The following BSG variants were observed in gnomAD, a reference collection of about 807,000 sequenced individuals.
BSG encodes basigin (Ok blood group).
In BSG, 37 loss-of-function variants were observed where a neutral mutation model predicts 43.1. The observed-to-expected ratio is 0.86, with a 90% CI of 0.66 to 1.13. The LOEUF (loss-of-function observed/expected upper bound fraction) is 1.13, where lower values mean the gene tolerates loss of function less well. Ranked by LOEUF, BSG falls within the 50% of genes most tolerant of loss-of-function variation. The probability of loss-of-function intolerance (pLI) is 0.00; values close to 1 mark genes in which losing one functional copy is unlikely to be tolerated. For missense variants in BSG, 599 were observed against 554.2 expected (o/e 1.08, Z -0.81); for synonymous variants, 309 against 238.7 (o/e 1.29, Z -2.72).
chr19:580,298 G>T (rs554979181), intron 3 of BSG, 81 bp from the exon 4 acceptor site: 5 of 1,327,388 alleles, frequency 3.8e-6, no homozygotes, highest in African/African-American at 1.5e-5. Context: ...CTGTGCCGTG[G>T]TTGGGCCCCT....
intron 6 of BSG, among the ~76,000 whole-genome samples, chr19:581,875 C>T (rs965845549): frequency 6.6e-6 from 1 of 152,262 alleles, no homozygotes; most frequent in Non-Finnish European, 1.5e-5. Context: ...CAGTGTCCTC[C>T]GTGGTGAGCC....
At position 579,628 on chromosome 19, in the gene BSG, G is replaced by A. The variant is rs774867811; in HGVS notation, c.544G>A (p.Ala182Thr). 13 of 1,611,182 alleles carry A rather than the reference G, an allele frequency of 8.1e-6. No individual in the cohort carries two copies. The highest frequency in any genetic ancestry group is 2.2e-5 in the South Asian group (2 of 90,948). The change falls in exon 3 of 9, where the codon GCG (alanine) becomes ACG (threonine). Residue 182 changes from alanine (A) to threonine (T), a missense_variant. By Grantham distance (58) the Ala-to-Thr change is moderately conservative (BLOSUM62 0). Transcript: ENST00000333511. Reference protein sequence around the residue: ...LKGGVVLKEDALPGQKTEFKV... With the variant: ...LKGGVVLKEDTLPGQKTEFKV... ...GGGGGGCGTGGTGCTGAAGGAGGAC[G>A]CGCTGCCCGGCCAGAAAACGGAGTT...
At chr19:571,511 G>A (rs28915396), upstream of BSG, 7,961 of 779,032 alleles carry the variant, frequency 0.01, 67 homozygotes, top group Non-Finnish European at 0.011. Context: ...GCGTCACCTC[G>A]GGCGGGACCC....
intron 1 of BSG, among the ~76,000 whole-genome samples, chr19:575,972 C>G (rs940659736): frequency 1.1e-4 from 16 of 152,188 alleles, no homozygotes; most frequent in African/African-American, 3.6e-4. Context: ...CACGTCAATA[C>G]ACAGACACCA....
Position 580,359 on chromosome 19 carries a change from C to G in BSG, c.573-20C>G. 6.2e-7 allele frequency: 1 copy of G among 1,608,432 alleles called. No homozygotes were observed. The highest frequency in any genetic ancestry group is 2.2e-5 in the East Asian group (1 of 44,856). ...TCCTGCAGAGCTGGTACGCGGCTCA[C>G]CTGCCTGCTGTGGTTGCAGGGTGGA... On this transcript the variant is annotated intron_variant, in intron 3 of 8. Coordinates refer to ENST00000333511, the MANE Select transcript of BSG (RefSeq NM_001728.4).
intron 1 of BSG, among the ~76,000 whole-genome samples, chr19:575,647 G>A (rs535755097): frequency 1.3e-5 from 2 of 151,464 alleles, no homozygotes; most frequent in Admixed American, 6.6e-5. Context: ...GCCTTATCCT[G>A]CGGGGCTGCT....
intron 1 of BSG, among the ~76,000 whole-genome samples, chr19:577,249 T>G (rs1025922680): frequency 4.6e-5 from 4 of 86,418 alleles, no homozygotes; most frequent in Non-Finnish European, 7.1e-5. Flanking sequence ...CAAATCCGCC[T>G]CTCTCTGGGT....
chr19:573,462 A>AG (rs772007508), intron 1 of BSG, among the ~76,000 whole-genome samples: 46 of 152,128 alleles, frequency 3.0e-4, no homozygotes, highest in Non-Finnish European at 6.5e-4. Flanking sequence ...CGGATCGGGA[A>AG]GGGATTACCG....
intron 7 of BSG, 22 bp from the exon 8 acceptor site, chr19:582,492 C>G: frequency 6.2e-7 from 1 of 1,606,246 alleles, no homozygotes; most frequent in Non-Finnish European, 8.5e-7. Context: ...GACACCCTCT[C>G]ACCCGGCCCC....
intron 1 of BSG, among the ~76,000 whole-genome samples, chr19:576,096 G>A (rs765712840): frequency 1.1e-4 from 16 of 152,246 alleles, no homozygotes; most frequent in Non-Finnish European, 2.2e-4. Context: ...CACCGGGACC[G>A]GTGCAGATGG....
intron 1 of BSG, among the ~76,000 whole-genome samples, chr19:576,761 AAGAAGAAG>A (rs1981810133): frequency 9.4e-6 from 1 of 106,490 alleles, no homozygotes; most frequent in African/African-American, 4.2e-5. Context: ...AAAAAAAAAA[AAGAAGAAG>A]AGGAGAAAGA....
chr19:572,473 C>G, upstream of BSG: 1 of 1,170,022 alleles, frequency 8.5e-7, no homozygotes, highest in Non-Finnish European at 1.1e-6. Flanking sequence ...AGCGTGTGCG[C>G]GCGTGCGCAG....
chr19:573,280 G>A (rs2145884794), intron 1 of BSG, among the ~76,000 whole-genome samples: 1 of 152,292 alleles, frequency 6.6e-6, no homozygotes, highest in Non-Finnish European at 1.5e-5. Flanking sequence ...CGTGGAATCT[G>A]GAGACGGGTC....
chr19:573,911 C>T (rs1311709511), intron 1 of BSG, among the ~76,000 whole-genome samples: 1 of 152,200 alleles, frequency 6.6e-6, no homozygotes, highest in African/African-American at 2.4e-5. Context: ...TTTCTTGCTT[C>T]ATAGAAAATT....
chr19:576,962 TTG>T (rs28921982), intron 1 of BSG, among the ~76,000 whole-genome samples: 46,981 of 151,208 alleles, frequency 0.31, 8,701 homozygotes, highest in African/African-American at 0.51. Context: ...ACGTGTGTCC[TTG>T]TGTGTGTGTG....
At chr19:582,395 A>T in intron 7 of BSG, 65 bp downstream of exon 7, 1 of 1,584,508 alleles carries the variant, frequency 6.3e-7, no homozygotes, top group African/African-American at 1.4e-5. Flanking sequence ...CCTTTAAAAC[A>T]CAAAGGCAGA....
intron 1 of BSG, among the ~76,000 whole-genome samples, chr19:576,684 C>T (rs1311561837): frequency 1.3e-5 from 2 of 151,830 alleles, no homozygotes; most frequent in Non-Finnish European, 2.9e-5. Context: ...TTGCTTGAAC[C>T]CGGGAGGCAG....
In BSG at chr19:582,929, T is replaced by G; in HGVS notation, c.*185T>G. On this transcript the variant is annotated 3_prime_UTR_variant, in exon 9 of 9. Transcript: ENST00000333511. The stretch of plus-strand genomic sequence containing the variant: ...CATTCAGGATTCTGTTCCTTAGGTT[T>G]TTTTCCTTCTGAAGTGTTTCACGAG... The G allele has an allele frequency of 3.2e-6, 1 of 311,718 alleles. No homozygotes were observed. The highest frequency in any genetic ancestry group is 6.0e-6 in the Non-Finnish European group (1 of 166,558). The allele number at this position is 311,718 out of a possible 1,614,324, so 19.3% of individuals were successfully genotyped here.
chr19:579,026 G>A (rs762033892), intron 2 of BSG: 40 of 456,472 alleles, frequency 8.8e-5, no homozygotes, highest in African/African-American at 2.8e-4. Context: ...CTCCGCGCCC[G>A]GCCACCACCG....
Sources: allele counts gnomAD v4.1 joint callset (sites outside exome capture counted in the v4.1 genomes callset), GRCh38; gene constraint gnomAD v4.1.1; transcripts MANE v1.5; gene names NCBI Gene and HGNC (gene_info 2026-07-23, HGNC 2026-07-21).